The following RBFOX1 variants were observed in gnomAD, a reference collection of about 807,000 sequenced individuals.
RBFOX1 encodes RNA binding fox-1 homolog 1, also known as RNA binding protein fox-1 homolog 1.
RBFOX1 carries 8 observed loss-of-function variants against 57.7 expected under a neutral mutation model. The ratio of observed to expected loss-of-function variants is 0.14; its 90% confidence interval spans 0.08 to 0.25. RBFOX1 has a LOEUF of 0.25. Ranked by LOEUF, RBFOX1 falls within the 10% of genes least tolerant of loss-of-function variation. The probability of loss-of-function intolerance (pLI) is 1.00; values close to 1 mark genes in which losing one functional copy is unlikely to be tolerated. For synonymous variants in RBFOX1, 326 were observed against 222.4 expected, an observed-to-expected ratio of 1.47 and a Z score of -4.15; for missense variants, 611 against 548.5, an observed-to-expected ratio of 1.11 and a Z score of -1.14.
At chr16:7,496,884 G>C (rs189868781) in intron 4 of RBFOX1, among the ~76,000 whole-genome samples, 23 of 152,230 alleles carry the variant, frequency 1.5e-4, no homozygotes, top group African/African-American at 5.5e-4. Flanking sequence ...AGAATGGACT[G>C]AAAAAATTAG....
chr16:7,356,426 C>A (rs1476712856), intron 4 of RBFOX1, among the ~76,000 whole-genome samples: 1 of 152,150 alleles, frequency 6.6e-6, no homozygotes, highest in Non-Finnish European at 1.5e-5. Flanking sequence ...CAAGAAGGAG[C>A]ATCCCACTGA....
At chr16:6,072,404 A>G (rs2095848299) in intron 1 of RBFOX1, among the ~76,000 whole-genome samples, 1 of 152,210 alleles carries the variant, frequency 6.6e-6, no homozygotes, top group African/African-American at 2.4e-5. Flanking sequence ...TAATGCTGCA[A>G]AAAAACATAG....
At chr16:6,994,008 T>G (rs2091906088) in intron 3 of RBFOX1, among the ~76,000 whole-genome samples, 1 of 152,168 alleles carries the variant, frequency 6.6e-6, no homozygotes, top group African/African-American at 2.4e-5. Flanking sequence ...GTATGTGGTT[T>G]AATTACTGGC....
Position 7,096,387 on chromosome 16 carries a change from C to T in RBFOX1, c.27+44289C>T, listed in dbSNP as rs540147731. ...CTCAATTTCTCGGACCTATTTTTCT[C>T]CGTGTCCCCCAGCAGGATGTCTGAG... On this transcript the variant is annotated intron_variant, in intron 4 of 15. Coordinates refer to ENST00000550418, the MANE Select transcript of RBFOX1 (RefSeq NM_018723.4). 1.2e-4 allele frequency among the ~76,000 whole-genome samples: 19 copies of T among 152,248 alleles called. No homozygotes were observed. In the South Asian group the frequency reaches 3.9e-3, roughly 32 times the overall value.
chr16:7,323,293 A>G (rs1281504133), intron 4 of RBFOX1, among the ~76,000 whole-genome samples: 2 of 152,136 alleles, frequency 1.3e-5, no homozygotes, highest in Admixed American at 6.5e-5. Flanking sequence ...ACGTGCTGGT[A>G]TGCACCTGTA....
chr16:6,490,127 C>A (rs545203735), intron 2 of RBFOX1, among the ~76,000 whole-genome samples: 1 of 152,252 alleles, frequency 6.6e-6, no homozygotes, highest in East Asian at 1.9e-4. Context: ...CGGGAATGAC[C>A]ATGCCTATCT....
intron 1 of RBFOX1, among the ~76,000 whole-genome samples, chr16:5,333,100 A>C (rs1228644856): frequency 6.6e-6 from 1 of 152,114 alleles, no homozygotes; most frequent in South Asian, 2.1e-4. Context: ...AGACAGGAGA[A>C]TCGCTTGAAC....
chr16:5,454,767 C>CTTT (rs1567534252), intron 1 of RBFOX1, among the ~76,000 whole-genome samples: 1 of 36,318 alleles, frequency 2.8e-5, no homozygotes, highest in Admixed American at 2.6e-4. Flanking sequence ...TTCTTTCTTT[C>CTTT]TCTTTCTTTC....
intron 14 of RBFOX1, among the ~76,000 whole-genome samples, chr16:7,696,450 C>T (rs2147831426): frequency 6.6e-6 from 1 of 150,804 alleles, no homozygotes; most frequent in East Asian, 1.9e-4. Context: ...TAGGAATTTT[C>T]CAGGGTGGGC....
chr16:5,622,353 C>T (rs1315296560), intron 3 of RBFOX1, among the ~76,000 whole-genome samples: 2 of 152,212 alleles, frequency 1.3e-5, no homozygotes. Context: ...TAGTGTCTGT[C>T]TTTTCCACCA....
intron 4 of RBFOX1, among the ~76,000 whole-genome samples, chr16:7,495,896 C>T (rs960678404): frequency 3.0e-5 from 2 of 67,606 alleles, no homozygotes; most frequent in East Asian, 3.3e-4. Context: ...TTCAAAGATA[C>T]TAGACTATTT....
intron 3 of RBFOX1, among the ~76,000 whole-genome samples, chr16:6,953,122 G>T (rs1043863464): frequency 6.6e-6 from 1 of 152,092 alleles, no homozygotes; most frequent in Non-Finnish European, 1.5e-5. Flanking sequence ...CGACTGAGTA[G>T]AACTTAGGTG....
intron 3 of RBFOX1, among the ~76,000 whole-genome samples, chr16:6,809,876 G>C (rs1250993794): frequency 6.6e-6 from 1 of 152,098 alleles, no homozygotes; most frequent in East Asian, 1.9e-4. Flanking sequence ...CTTTCTGGAA[G>C]TTATGAAATT....
intron 2 of RBFOX1, among the ~76,000 whole-genome samples, chr16:5,497,985 A>C (rs560916683): frequency 6.6e-6 from 1 of 152,150 alleles, no homozygotes; most frequent in African/African-American, 2.4e-5. Context: ...GGGAAAAAAC[A>C]TGTGCAAAGG....
intron 4 of RBFOX1, among the ~76,000 whole-genome samples, chr16:7,307,795 A>C (rs1033209254): frequency 6.6e-6 from 1 of 152,192 alleles, no homozygotes; most frequent in Non-Finnish European, 1.5e-5. Context: ...GTGGTTGTCA[A>C]CCACTTTCAG....
chr16:7,512,177 GAATGCTCCA>G (rs2075272328), intron 4 of RBFOX1, among the ~76,000 whole-genome samples: 1 of 152,196 alleles, frequency 6.6e-6, no homozygotes, highest in African/African-American at 2.4e-5. Flanking sequence ...TGTCTAGCCA[GAATGCTCCA>G]AATAATTTTG....
At chr16:6,163,344 G>C (rs1459091191) in intron 1 of RBFOX1, among the ~76,000 whole-genome samples, 1 of 152,148 alleles carries the variant, frequency 6.6e-6, no homozygotes, top group Non-Finnish European at 1.5e-5. Context: ...ACAGCTTTTG[G>C]GAGCATGTTA....
At chr16:6,703,871 C>T (rs1256539607) in intron 3 of RBFOX1, 4 of 152,386 alleles carry the variant, frequency 2.6e-5, no homozygotes, top group South Asian at 2.1e-4. Context: ...AAGCAACTTA[C>T]TCTGTTACAC....
intron 5 of RBFOX1, among the ~76,000 whole-genome samples, chr16:7,540,676 C>T (rs946361593): frequency 2.6e-5 from 4 of 152,094 alleles, no homozygotes; most frequent in South Asian, 2.1e-4. Flanking sequence ...CAGGCTTAAC[C>T]GTTAGTACTT....
Sources: gnomAD v4.1 joint callset for allele counts (sites outside exome capture counted in the v4.1 genomes callset) on GRCh38, gnomAD v4.1.1 for gene constraint, MANE v1.5 for transcripts, NCBI Gene and HGNC (gene_info 2026-07-23, HGNC 2026-07-21) for gene names.